Variants in RYR3 observed in about 807,000 individuals in gnomAD.
RYR3 encodes the protein brain ryanodine receptor-calcium release channel.
RYR3 carries 207 observed loss-of-function variants against 584.3 expected under a neutral mutation model. The observed-to-expected ratio is 0.35, with a 90% CI of 0.32 to 0.40. The LOEUF (loss-of-function observed/expected upper bound fraction) is 0.40. Ranked by LOEUF, RYR3 falls within the 10% of genes least tolerant of loss-of-function variation. RYR3 has a pLI of 1.00. For synonymous variants in RYR3, 2,416 were observed against 2,248.5 expected (o/e 1.07, Z -2.11); for missense variants, 5,616 against 6,089.2 (o/e 0.92, Z 2.59).
At chr15:33,594,373 G>C (rs2152538778) in intron 16 of RYR3, among the ~76,000 whole-genome samples, 1 of 152,296 alleles carries the variant, frequency 6.6e-6, no homozygotes, top group Non-Finnish European at 1.5e-5. Context: ...TTCTGGAGAA[G>C]TTAGGTAGAG....
Position 33,738,804 on chromosome 15 carries a change from A to C in RYR3, c.7656+214A>C, listed in dbSNP as rs146960248. 2.6e-5 allele frequency among the ~76,000 whole-genome samples: 4 copies of C among 152,314 alleles called. No homozygotes were observed. In the East Asian group the frequency reaches 7.7e-4, roughly 29 times the overall value. Reference sequence around the variant, plus strand: ...AGAAAAGCCTCAGAGTAGCTGAATAAATTTTCACATTCACAAAGCTGTACG... The same window carrying C: ...AGAAAAGCCTCAGAGTAGCTGAATACATTTTCACATTCACAAAGCTGTACG... On this transcript the variant is annotated intron_variant, in intron 50 of 103. Coordinates refer to ENST00000634891, the MANE Select transcript of RYR3 (RefSeq NM_001036.6).
At chr15:33,707,725 T>C (rs1042000835) in intron 43 of RYR3, among the ~76,000 whole-genome samples, 4 of 152,200 alleles carry the variant, frequency 2.6e-5, no homozygotes, top group African/African-American at 7.2e-5. Flanking sequence ...TCCCTCTCTG[T>C]TCTCTCAGTT....
chr15:33,624,311 G>A (rs1482645584), intron 20 of RYR3, among the ~76,000 whole-genome samples: 2 of 151,890 alleles, frequency 1.3e-5, no homozygotes, highest in East Asian at 3.9e-4. Flanking sequence ...GATGTAAGAA[G>A]CAAATGTATT....
At chr15:33,814,882 C>A (rs1224755836) in intron 74 of RYR3, among the ~76,000 whole-genome samples, 1 of 119,974 alleles carries the variant, frequency 8.3e-6, no homozygotes, top group Non-Finnish European at 1.6e-5. Context: ...GCCTGGGCAA[C>A]AGAACAAGAC....
chr15:33,328,448 G>A (rs2140633653), intron 1 of RYR3, among the ~76,000 whole-genome samples: 1 of 152,066 alleles, frequency 6.6e-6, no homozygotes, highest in East Asian at 1.9e-4. Context: ...CTTTCTTCAG[G>A]TCTAATGTCC....
At position 33,559,452 on chromosome 15, in the gene RYR3, C is replaced by T. The variant is rs181181237; in HGVS notation, c.973-3385C>T. 5.5e-3 allele frequency among the ~76,000 whole-genome samples: 838 copies of T among 152,236 alleles called. 2 individuals are homozygous for T. Among genetic ancestry groups the T allele is most frequent in the Non-Finnish European group, 9.3e-3 (631 of 68,014 alleles). ...CATGCAGGGTCACATAGGAAAGCAC[C>T]AGCTTTGGTCAGGAGGCAGACAAGG... On this transcript the variant is annotated intron_variant, in intron 10 of 103. Coordinates refer to ENST00000634891, the MANE Select transcript of RYR3 (RefSeq NM_001036.6).
chr15:33,856,937 G>C (rs960893196), intron 98 of RYR3: 1 of 152,268 alleles, frequency 6.6e-6, no homozygotes, highest in South Asian at 2.1e-4. Context: ...GATTACAGGC[G>C]TGAGCCACCC....
intron 9 of RYR3, among the ~76,000 whole-genome samples, chr15:33,548,735 C>T (rs2056442294): frequency 6.6e-6 from 1 of 152,152 alleles, no homozygotes; most frequent in Admixed American, 6.5e-5. Flanking sequence ...GACTTTCCAG[C>T]CACAAGCTTT....
intron 65 of RYR3, among the ~76,000 whole-genome samples, chr15:33,780,593 T>C (rs2074326207): frequency 6.6e-6 from 1 of 152,222 alleles, no homozygotes; most frequent in Non-Finnish European, 1.5e-5. Flanking sequence ...TTTGAAATCC[T>C]TTCCATCCTA....
chr15:33,724,070 C>A lies in RYR3; in HGVS notation c.6806C>A (p.Thr2269Lys). Residue 2269 changes from threonine (T) to lysine (K), a missense_variant, in exon 45 of 104, where the codon ACG becomes AAG. By Grantham distance (78) the Thr-to-Lys change is moderately conservative (BLOSUM62 -1). This residue lies in a region of RYR3 where 1,280 missense variants were observed against 1,426.2 expected (regional missense o/e 0.90). Transcript: ENST00000634891. ...CCCTCTGTTGGTTCTCTCAGCAGCA[C>A]GGGGGACGATGAAGAGGAAGAAGAA... is the stretch of plus-strand genomic sequence containing the variant. ...PSQGYKREVS[T>K]GDDEEEEEIV... The A allele has an allele frequency of 6.3e-7, 1 of 1,596,354 alleles. No individual in the cohort carries two copies. Among genetic ancestry groups the A allele is most frequent in the Non-Finnish European group, 8.6e-7 (1 of 1,164,162 alleles).
At chr15:33,858,448 C>G (rs2079949635) in intron 99 of RYR3, among the ~76,000 whole-genome samples, 2 of 151,238 alleles carry the variant, frequency 1.3e-5, no homozygotes, top group South Asian at 2.1e-4. Context: ...CTCAGGTGAT[C>G]TGCCCACCTC....
intron 75 of RYR3, among the ~76,000 whole-genome samples, chr15:33,818,282 T>C (rs1339466099): frequency 6.6e-6 from 1 of 152,222 alleles, no homozygotes; most frequent in Non-Finnish European, 1.5e-5. Flanking sequence ...TTGGAGTCTG[T>C]AGCTATTCCC....
chr15:33,863,268 C>G (rs534018878), intron 102 of RYR3, among the ~76,000 whole-genome samples: 1 of 152,244 alleles, frequency 6.6e-6, no homozygotes, highest in South Asian at 2.1e-4. Flanking sequence ...CCCTACGTAT[C>G]AAACAGGATA....
In RYR3 at chr15:33,580,057, C is replaced by A. The variant is rs746873616; in HGVS notation, c.1350C>A (p.Phe450Leu). 6.2e-7 allele frequency: 1 copy of A among 1,613,564 alleles called. No homozygotes were observed. Among genetic ancestry groups the A allele is most frequent in the Non-Finnish European group, 8.5e-7 (1 of 1,179,728 alleles). ...LQTLQDLIAY[F>L]QPPEEEMRHE... ...CCCTACAGGACTTGATCGCCTACTTCCAGCCCCCAGAGGAGGAGATGCGAC... is the reference window on the plus strand; with the variant it reads ...CCCTACAGGACTTGATCGCCTACTTACAGCCCCCAGAGGAGGAGATGCGAC... The change falls in exon 13 of 104, where the codon TTC becomes TTA. Residue 450 changes from phenylalanine to leucine, a missense_variant. Physicochemically the swap from Phe to Leu is conservative, Grantham distance 22. Coordinates refer to ENST00000634891, the MANE Select transcript of RYR3 (RefSeq NM_001036.6).
intron 36 of RYR3, 123 bp downstream of exon 36, chr15:33,663,860 C>A: frequency 1.3e-6 from 1 of 761,432 alleles, no homozygotes. Flanking sequence ...ATGAAAAGAC[C>A]CACTGCAATA....
intron 83 of RYR3, 68 bp from the exon 84 acceptor site, chr15:33,826,604 A>G (rs1464638736): frequency 2.3e-6 from 3 of 1,284,592 alleles, no homozygotes; most frequent in Non-Finnish European, 3.4e-6. Context: ...CTGTGTAGTC[A>G]TTTACATTAG....
At position 33,854,763 on chromosome 15, in the gene RYR3, C is replaced by A; in HGVS notation, c.13861-3C>A. The A allele has an allele frequency of 1.3e-6, 2 of 1,599,196 alleles. No homozygotes were observed. Among genetic ancestry groups the A allele is most frequent in the Non-Finnish European group, 1.7e-6 (2 of 1,175,530 alleles). On this transcript the variant is annotated splice_region_variant and splice_polypyrimidine_tract_variant and intron_variant, in intron 97 of 103. Transcript: ENST00000634891. Reference sequence around the variant, plus strand: ...TTAAAAGTCTGCTTTCTTCCATTCCCAGTCCTTTCTCTACCTTGCCTGGTA... The same window carrying A: ...TTAAAAGTCTGCTTTCTTCCATTCCAAGTCCTTTCTCTACCTTGCCTGGTA...
intron 3 of RYR3, among the ~76,000 whole-genome samples, chr15:33,526,276 A>G (rs2054379000): frequency 6.6e-6 from 1 of 152,208 alleles, no homozygotes. Context: ...GGATTGAGTT[A>G]ATGAGCTAGT....
chr15:33,454,128 A>G (rs1046337904), intron 1 of RYR3, among the ~76,000 whole-genome samples: 34 of 152,302 alleles, frequency 2.2e-4, no homozygotes, highest in African/African-American at 7.9e-4. Flanking sequence ...CACTTGACAA[A>G]GTTTTGCGAA....
Sources: gnomAD v4.1 joint callset for allele counts (sites outside exome capture counted in the v4.1 genomes callset) on GRCh38, gnomAD v4.1.1 for gene constraint, gnomAD v4.1.1 regional missense constraint, MANE v1.5 for transcripts, NCBI Gene and HGNC (gene_info 2026-07-23, HGNC 2026-07-21) for gene names.